CLTB: variants seen among roughly 807,000 people sequenced by gnomAD.
CLTB encodes the protein clathrin, light chain (Lcb).
Under a neutral mutation model 30.5 loss-of-function variants are expected in CLTB, and 10 were observed. The observed-to-expected ratio is 0.33, with a 90% confidence interval of 0.20 to 0.56. CLTB has a LOEUF of 0.56. Among genes scored for constraint, CLTB ranks in the 20% least tolerant of loss-of-function variants. The pLI, the probability that CLTB is intolerant of heterozygous loss-of-function variation, is 0.91. For missense variants in CLTB, 261 were observed against 308.3 expected (o/e 0.85, Z 1.15); for synonymous variants, 102 against 120.3 (o/e 0.85, Z 1.00).
chr5:176,399,602 T>C (rs952166390), intron 2 of CLTB, among the ~76,000 whole-genome samples: 2 of 151,956 alleles, frequency 1.3e-5, no homozygotes, highest in East Asian at 1.9e-4. Context: ...TTTTTAATTA[T>C]GGAAAAAAAG....
intron 1 of CLTB, among the ~76,000 whole-genome samples, chr5:176,412,795 C>A (rs1395978051): frequency 6.6e-6 from 1 of 152,178 alleles, no homozygotes; most frequent in South Asian, 2.1e-4. Context: ...GGTGTCCTGG[C>A]CCCTAAATCA....
intron 5 of CLTB, 97 bp downstream of exon 5, chr5:176,396,382 C>G: frequency 8.8e-7 from 1 of 1,132,620 alleles, no homozygotes; most frequent in Non-Finnish European, 1.3e-6. Flanking sequence ...CCGAGCCCAG[C>G]CACACTCATT....
chr5:176,402,898 C>T (rs1054935230), intron 2 of CLTB, among the ~76,000 whole-genome samples: 8 of 152,218 alleles, frequency 5.3e-5, no homozygotes, highest in East Asian at 3.9e-4. Context: ...AGAGCCAGCA[C>T]GTGTAAGAAT....
In CLTB at chr5:176,398,503, G is replaced by C. The variant is rs59074498; in HGVS notation, c.235-456C>G. Among the ~76,000 whole-genome samples the C allele has an allele frequency of 1.0e-2, 1,514 of 152,158 alleles. 18 individuals carry two copies. Among genetic ancestry groups the C allele is most frequent in the African/African-American group, 0.034 (1,417 of 41,504 alleles). ...GAGGCGGCAAATCACCTGAGGTTGG[G>C]AGTTCAAGACCAGCCTGACCAACAT... On this transcript the variant is annotated intron_variant, in intron 2 of 5. Coordinates refer to ENST00000310418, the MANE Select transcript of CLTB (RefSeq NM_007097.5).
intron 2 of CLTB, among the ~76,000 whole-genome samples, chr5:176,405,120 T>G (rs1757038424): frequency 6.6e-6 from 1 of 152,160 alleles, no homozygotes; most frequent in South Asian, 2.1e-4. Context: ...TAGCTCCTAA[T>G]GCTTCCCCAA....
rs1222040757 is a variant in CLTB at position 176,416,293 on chromosome 5, G to C, written c.71C>G (p.Ala24Gly). ...CTCCTGCTGGGCCAGGAAGGCGGCC[G>C]CCGGGTCCTCCTCCGCCGCCTCCGG... ...GAPEAAEEDP[A>G]AAFLAQQESE... Residue 24 changes from alanine (A) to glycine (G), a missense_variant, in exon 1 of 6, where the codon GCG (alanine) becomes GGG (glycine). Ala to Gly is a moderately conservative substitution (Grantham distance 60). This residue lies in a region of CLTB where 113 missense variants were observed against 102.5 expected (regional missense o/e 1.10). Coordinates refer to ENST00000310418, the MANE Select transcript of CLTB (RefSeq NM_007097.5). The C allele has an allele frequency of 1.2e-6, 2 of 1,605,690 alleles. No individual in the cohort carries two copies. Among genetic ancestry groups the C allele is most frequent in the Admixed American group, 1.7e-5 (1 of 59,612 alleles).
intron 1 of CLTB, among the ~76,000 whole-genome samples, chr5:176,414,218 G>C (rs192007077): frequency 1.2e-4 from 19 of 152,268 alleles, no homozygotes; most frequent in African/African-American, 4.1e-4. Flanking sequence ...TGAGGAAAAG[G>C]GTGGTCTCAC....
chr5:176,397,903 C>T, intron 3 of CLTB, 27 bp downstream of exon 3: 1 of 1,601,022 alleles, frequency 6.2e-7, no homozygotes. Context: ...GCCCACCCAG[C>T]CAACCCCGCC....
intron 2 of CLTB, chr5:176,401,881 C>T: frequency 2.4e-6 from 1 of 421,762 alleles, no homozygotes; most frequent in South Asian, 1.7e-5. Flanking sequence ...CTCTAAAACT[C>T]TCCCTCCTGC....
At position 176,416,249 on chromosome 5, in the gene CLTB, CTA is replaced by C. The variant is rs1424848103; in HGVS notation, c.113_114del (p.Ile38ArgfsTer28). ...LAQQESEIAG[I>X]ENDEGFGAPA... ...GGTGCCCCGAAGCCCTCGTCGTTCT[CTA>C]TGCCTGCAATCTCGCTCTCCTGCTG... On this transcript the variant is annotated frameshift_variant, in exon 1 of 6. Coordinates refer to ENST00000310418, the MANE Select transcript of CLTB (RefSeq NM_007097.5). LOFTEE classifies it high-confidence loss of function. The C allele has an allele frequency of 6.2e-7, 1 of 1,602,148 alleles. No individual in the cohort carries two copies. Among genetic ancestry groups the C allele is most frequent in the African/African-American group, 1.4e-5 (1 of 72,864 alleles).
intron 3 of CLTB, 32 bp downstream of exon 3, chr5:176,397,898 C>T (rs1017568186): frequency 1.3e-5 from 21 of 1,593,978 alleles, no homozygotes; most frequent in Non-Finnish European, 1.6e-5. Context: ...ACACAGCCCA[C>T]CCAGCCAACC....
At position 176,396,749 on chromosome 5, in the gene CLTB, C is replaced by A. The variant is rs141581722; in HGVS notation, c.465-217G>T. Among the ~76,000 whole-genome samples the A allele has an allele frequency of 4.6e-5, 7 of 152,238 alleles. No individual in the cohort carries two copies. In the East Asian group the frequency reaches 1.4e-3, roughly 29 times the overall value. ...TGGCCCCAGCACCTTCTCTAAAATT[C>A]ATCCCTGATCATGTTACTCCTGTTC... On this transcript the variant is annotated intron_variant, in intron 4 of 5. Coordinates refer to ENST00000310418, the MANE Select transcript of CLTB (RefSeq NM_007097.5).
chr5:176,416,288 C>A lies in CLTB; in HGVS notation c.76G>T (p.Ala26Ser), dbSNP rs1160556397. The change falls in exon 1 of 6, where the codon GCC becomes TCC. Residue 26 changes from alanine (A) to serine (S), a missense_variant. Physicochemically the swap from Ala to Ser is moderately conservative, Grantham distance 99 (BLOSUM62 1). Coordinates refer to ENST00000310418, the MANE Select transcript of CLTB (RefSeq NM_007097.5). ...TCGCTCTCCTGCTGGGCCAGGAAGG[C>A]GGCCGCCGGGTCCTCCTCCGCCGCC... ...PEAAEEDPAA[A>S]FLAQQESEIA... The A allele has an allele frequency of 1.2e-6, 2 of 1,605,924 alleles. No homozygotes were observed. The highest frequency in any genetic ancestry group is 1.7e-6 in the Non-Finnish European group (2 of 1,177,498).
intron 2 of CLTB, among the ~76,000 whole-genome samples, chr5:176,399,844 C>T (rs1756724378): frequency 6.7e-6 from 1 of 150,324 alleles, no homozygotes; most frequent in Non-Finnish European, 1.5e-5. Context: ...TGCCACTGCA[C>T]TCCAGCCTGG....
intron 2 of CLTB, chr5:176,406,493 A>G (rs1278308614): frequency 1.6e-6 from 2 of 1,213,102 alleles, no homozygotes; most frequent in Admixed American, 3.0e-5. Flanking sequence ...AGCTAAGCTG[A>G]GCTGCTGATT....
intron 1 of CLTB, among the ~76,000 whole-genome samples, chr5:176,413,347 G>C (rs1341341263): frequency 1.3e-5 from 2 of 152,240 alleles, no homozygotes; most frequent in Non-Finnish European, 2.9e-5. Context: ...GGCTTGCCCA[G>C]AACTGACAGG....
In CLTB at chr5:176,416,298, G is replaced by GTCCTCCTCCGCCGCC; in HGVS notation, c.51_65dup (p.Glu17_Glu21dup). ...GCTGGGCCAGGAAGGCGGCCGCCGG[G>GTCCTCCTCCGCCGCC]TCCTCCTCCGCCGCCTCCGGGGCAC... On this transcript the variant is annotated inframe_insertion, in exon 1 of 6. Transcript: ENST00000310418. 1.2e-6 allele frequency: 2 copies of GTCCTCCTCCGCCGCC among 1,605,400 alleles called. No homozygotes were observed. Among genetic ancestry groups the GTCCTCCTCCGCCGCC allele is most frequent in the South Asian group, 2.2e-5 (2 of 90,600 alleles).
Position 176,416,456 on chromosome 5 carries a change from G to C in CLTB, c.-93C>G, listed in dbSNP as rs1757699066. The C allele has an allele frequency of 1.1e-5, 11 of 1,010,344 alleles. No individual in the cohort carries two copies. Among genetic ancestry groups the C allele is most frequent in the Non-Finnish European group, 1.3e-5 (11 of 841,212 alleles). 62.6% of individuals were successfully genotyped at this position (1,010,344 alleles called of 1,614,324 possible). On this transcript the variant is annotated 5_prime_UTR_variant, in exon 1 of 6. Transcript: ENST00000310418. ...CGGCGGCCGCGACGCTGTCACCCGA[G>C]CCGCGGGGGAGCCGGCGTCGGCGGG...
intron 2 of CLTB, chr5:176,407,568 C>G (rs891020815): frequency 1.3e-5 from 2 of 152,390 alleles, no homozygotes; most frequent in African/African-American, 4.8e-5. Context: ...CCTCCCACTG[C>G]TGGGATTACA....
Sources: allele counts gnomAD v4.1 joint callset (sites outside exome capture counted in the v4.1 genomes callset), GRCh38; gene constraint gnomAD v4.1.1; regional missense constraint gnomAD v4.1.1; transcripts MANE v1.5; gene names NCBI Gene and HGNC (gene_info 2026-07-23, HGNC 2026-07-21).